BOC: variants seen among roughly 807,000 people sequenced by gnomAD.
The protein encoded by BOC is BOC cell adhesion associated, oncogene regulated.
Under a neutral mutation model 112.0 loss-of-function variants are expected in BOC, and 76 were observed. The observed-to-expected ratio is 0.68, with a 90% CI of 0.56 to 0.82. The LOEUF (loss-of-function observed/expected upper bound fraction) is 0.82, where lower values mean the gene tolerates loss of function less well. Ranked by LOEUF, BOC falls within the 40% of genes least tolerant of loss-of-function variation. The pLI, the probability that BOC is intolerant of heterozygous loss-of-function variation, is 0.00. For missense variants in BOC, 1,309 were observed against 1,511.7 expected, an observed-to-expected ratio of 0.87 and a Z score of 2.22; for synonymous variants, 580 against 599.8, an observed-to-expected ratio of 0.97 and a Z score of 0.48.
At chr3:113,267,201 C>A (rs1947580348) in intron 4 of BOC, among the ~76,000 whole-genome samples, 1 of 152,154 alleles carries the variant, frequency 6.6e-6, no homozygotes, top group Non-Finnish European at 1.5e-5. Flanking sequence ...AGTTTTATTT[C>A]TCCTCTTAAA....
chr3:113,281,119 C>A lies in BOC; in HGVS notation c.2400C>A (p.Ser800Arg), dbSNP rs140667397. Reference protein sequence around the residue: ...KMQCFNEGGESEFSNVMICET... With the variant: ...KMQCFNEGGEREFSNVMICET... ...AGTGCTTCAATGAAGGAGGGGAGAGCGAGTTCAGCAACGTGATGATCTGTG... is the reference window on the plus strand; with the variant it reads ...AGTGCTTCAATGAAGGAGGGGAGAGAGAGTTCAGCAACGTGATGATCTGTG... Residue 800 changes from serine to arginine, a missense_variant, in exon 15 of 20, where the codon AGC (serine) becomes AGA (arginine). Coordinates refer to ENST00000682979, the MANE Select transcript of BOC (RefSeq NM_001378074.1). 6.2e-7 allele frequency: 1 copy of A among 1,614,040 alleles called. No homozygotes were observed. The highest frequency in any genetic ancestry group is 1.7e-5 in the Admixed American group (1 of 60,014).
chr3:113,273,529 G>T (rs1395214792), intron 8 of BOC, among the ~76,000 whole-genome samples, 188 bp downstream of exon 8: 4 of 152,140 alleles, frequency 2.6e-5, no homozygotes, highest in East Asian at 1.9e-4. Context: ...CCATTTAATT[G>T]CTGTATTTTA....
At chr3:113,280,339 TCTC>T (rs528818226) in intron 13 of BOC, among the ~76,000 whole-genome samples, 48 of 152,256 alleles carry the variant, frequency 3.2e-4, no homozygotes, top group African/African-American at 1.2e-3. Context: ...ATTTGTTTCT[TCTC>T]TTCAAAAGCT....
rs762586529 is a variant in BOC at position 113,286,738 on chromosome 3, T to A, written c.3224T>A (p.Val1075Glu). ...GTGGACAGTCCTGACTCCTGCCAAG[T>A]GAGTGGAGGAGACTGGTGTCCCCAG... The part of the protein sequence containing the change: ...EEVDSPDSCQ[V>E]SGGDWCPQHP... Residue 1075 changes from valine to glutamate, a missense_variant, in exon 20 of 20, where the codon GTG becomes GAG. By Grantham distance (121) the Val-to-Glu change is moderately radical. Coordinates refer to ENST00000682979, the MANE Select transcript of BOC (RefSeq NM_001378074.1). The A allele has an allele frequency of 6.2e-7, 1 of 1,613,490 alleles. No individual in the cohort carries two copies. The highest frequency in any genetic ancestry group is 1.1e-5 in the South Asian group (1 of 91,010).
intron 5 of BOC, chr3:113,270,511 A>C: frequency 3.0e-6 from 1 of 336,254 alleles, no homozygotes; most frequent in Non-Finnish European, 5.4e-6. Flanking sequence ...TTAAAGTATA[A>C]AATGCTCTTC....
At chr3:113,260,016 C>T (rs185643631) in intron 4 of BOC, among the ~76,000 whole-genome samples, 1 of 152,344 alleles carries the variant, frequency 6.6e-6, no homozygotes, top group African/African-American at 2.4e-5. Flanking sequence ...ACCCCTTCAA[C>T]TTCCAAGTCT....
intron 13 of BOC, among the ~76,000 whole-genome samples, chr3:113,280,268 A>G (rs757178772): frequency 5.3e-5 from 8 of 151,320 alleles, no homozygotes; most frequent in Non-Finnish European, 1.0e-4. Flanking sequence ...CTTCTCAGCC[A>G]CAGGGGCCCC....
chr3:113,248,054 A>G (rs16860704), intron 2 of BOC, among the ~76,000 whole-genome samples: 11,813 of 152,214 alleles, frequency 0.078, 745 homozygotes, highest in African/African-American at 0.18. Context: ...AATACAAACC[A>G]TCGGGAAAGA....
Position 113,280,904 on chromosome 3 carries a change from C to G in BOC, c.2312-127C>G, listed in dbSNP as rs967668195. ...ACATTTCCTCCAGCGTTCCTCCACA[C>G]GCCGCCCCTGTGCCAGTCAGTGGCA... On this transcript the variant is annotated intron_variant, in intron 14 of 19. Coordinates refer to ENST00000682979, the MANE Select transcript of BOC (RefSeq NM_001378074.1). The G allele has an allele frequency of 3.0e-6, 4 of 1,314,098 alleles. No homozygotes were observed. In the African/African-American group the frequency reaches 5.8e-5, roughly 19 times the overall value. 81.4% of individuals were successfully genotyped at this position (1,314,098 alleles called of 1,614,324 possible).
chr3:113,237,960 A>C (rs1943788864), intron 2 of BOC, among the ~76,000 whole-genome samples: 1 of 152,178 alleles, frequency 6.6e-6, no homozygotes, highest in African/African-American at 2.4e-5. Flanking sequence ...CCTTGCCTTC[A>C]ATGAGTTTAT....
intron 6 of BOC, chr3:113,271,380 GGT>G (rs1365847305): frequency 1.1e-5 from 4 of 370,616 alleles, no homozygotes; most frequent in Non-Finnish European, 2.2e-5. Context: ...GCACTGATGA[GGT>G]GTGCCCTGCA....
intron 2 of BOC, among the ~76,000 whole-genome samples, chr3:113,223,239 C>T (rs911687694): frequency 6.6e-6 from 1 of 152,174 alleles, no homozygotes; most frequent in Admixed American, 6.5e-5. Flanking sequence ...GCCTCCAGCT[C>T]CAGTTTTGTT....
Position 113,280,612 on chromosome 3 carries a change from C to T in BOC, c.2260C>T (p.Arg754Ter), listed in dbSNP as rs1475293507. The T allele has an allele frequency of 9.3e-6, 15 of 1,612,638 alleles. No homozygotes were observed. Among genetic ancestry groups the T allele is most frequent in the African/African-American group, 4.0e-5 (3 of 74,876 alleles). ...AATCCATGGCTTTTATATCTATTAT[C>T]GACCCACAGACAGTGACAATGATAG... ...TPIHGFYIYY[R>*]PTDSDNDSDY... The change falls in exon 14 of 20, where the codon CGA becomes TGA. Residue 754 changes from arginine to a stop codon, truncating the protein, a stop_gained. Transcript: ENST00000682979. LOFTEE classifies it high-confidence loss of function.
chr3:113,212,063 T>G (rs1466231488), intron 1 of BOC, 47 bp downstream of exon 1: 14 of 152,066 alleles, frequency 9.2e-5, no homozygotes, highest in Non-Finnish European at 2.9e-5. Context: ...AAAAGTTGTG[T>G]TTACTGTTGG....
At chr3:113,268,229 C>A (rs747792865) in intron 4 of BOC, 70 bp from the exon 5 acceptor site, 1 of 1,589,240 alleles carries the variant, frequency 6.3e-7, no homozygotes, top group Non-Finnish European at 8.6e-7. Context: ...CACCAAGGCA[C>A]AAGCCCACCC....
intron 2 of BOC, among the ~76,000 whole-genome samples, chr3:113,240,102 G>C (rs1322326386): frequency 6.6e-6 from 1 of 152,170 alleles, no homozygotes; most frequent in African/African-American, 2.4e-5. Context: ...AATTGAAATT[G>C]TACCTGGCCT....
At chr3:113,249,446 G>A (rs924197330) in intron 2 of BOC, among the ~76,000 whole-genome samples, 99 of 152,270 alleles carry the variant, frequency 6.5e-4, no homozygotes, top group African/African-American at 5.3e-4. Flanking sequence ...CCTCCTCCTC[G>A]TTGCTGTCCA....
At chr3:113,247,557 T>C (rs547423607) in intron 2 of BOC, among the ~76,000 whole-genome samples, 2 of 151,210 alleles carry the variant, frequency 1.3e-5, no homozygotes, top group African/African-American at 4.9e-5. Context: ...GCACAGAGTT[T>C]GGGAATCAGC....
In BOC at chr3:113,274,712, C is replaced by A; in HGVS notation, c.1542+30C>A. Reference sequence around the variant, plus strand: ...GGCCCTGGTGTGGGGCTGCTGCCTCCCCTGCACAGCCTTTCCAGCAAGGCT... The same window carrying A: ...GGCCCTGGTGTGGGGCTGCTGCCTCACCTGCACAGCCTTTCCAGCAAGGCT... On this transcript the variant is annotated intron_variant, in intron 9 of 19. Coordinates refer to ENST00000682979, the MANE Select transcript of BOC (RefSeq NM_001378074.1). This position sits in a 1 kb window ranked among gnomAD's most constrained non-coding sequence, Gnocchi z 4.8. The A allele has an allele frequency of 6.5e-7, 1 of 1,546,606 alleles. No individual in the cohort carries two copies. The highest frequency in any genetic ancestry group is 8.8e-7 in the Non-Finnish European group (1 of 1,139,666).
Sources: allele counts gnomAD v4.1 joint callset (sites outside exome capture counted in the v4.1 genomes callset), GRCh38; gene constraint gnomAD v4.1.1; non-coding constraint Gnocchi (gnomAD v3.1); transcripts MANE v1.5; gene names NCBI Gene and HGNC (gene_info 2026-07-23, HGNC 2026-07-21).